Variants in PHLDB2 observed in about 807,000 individuals in gnomAD.
PHLDB2 encodes pleckstrin homology like domain family B member 2.
A neutral mutation model predicts 123.6 loss-of-function variants in PHLDB2; 71 were observed. The observed-to-expected ratio is 0.57, with a 90% CI of 0.47 to 0.70. The LOEUF is 0.70. PHLDB2 is among the 30% of genes least tolerant of loss of function. The probability of loss-of-function intolerance (pLI) is 0.00; values close to 1 mark genes in which losing one functional copy is unlikely to be tolerated. For synonymous variants in PHLDB2, 547 were observed against 541.6 expected (o/e 1.01, Z -0.14); for missense variants, 1,446 against 1,519.5 (o/e 0.95, Z 0.80).
At chr3:111,962,024 G>C in intron 12 of PHLDB2, 84 bp from the exon 13 acceptor site, 1 of 1,284,272 alleles carries the variant, frequency 7.8e-7, no homozygotes, top group Non-Finnish European at 1.1e-6. Context: ...AGATGTTTCT[G>C]GTTGCTGGCT....
At chr3:111,780,271 A>AGAAGAAAGAAGAAGAAGAAGAAGAAG (rs34178824) in intron 1 of PHLDB2, among the ~76,000 whole-genome samples, 3 of 7,772 alleles carry the variant, frequency 3.9e-4, no homozygotes, top group African/African-American at 1.2e-3. Flanking sequence ...AAGAAGAAGA[A>AGAAGAAAGAAGAAGAAGAAGAAGAAG]AAGAAGAAGA....
chr3:111,901,176 G>A (rs1230855831), intron 2 of PHLDB2, among the ~76,000 whole-genome samples: 9 of 151,612 alleles, frequency 5.9e-5, no homozygotes, highest in African/African-American at 2.2e-4. Context: ...TGGCTAACAC[G>A]GTGAAACCCC....
intron 2 of PHLDB2, among the ~76,000 whole-genome samples, chr3:111,899,438 G>A (rs1044236390): frequency 2.0e-5 from 3 of 152,046 alleles, no homozygotes; most frequent in Non-Finnish European, 2.9e-5. Context: ...CTTCCCCCAA[G>A]CAGTAATATT....
intron 6 of PHLDB2, among the ~76,000 whole-genome samples, chr3:111,938,942 G>A (rs945511555): frequency 3.9e-5 from 6 of 151,998 alleles, no homozygotes; most frequent in African/African-American, 1.5e-4. Flanking sequence ...CAAGTAGCTG[G>A]GACTACAGGT....
chr3:111,768,288 A>G (rs1376867455), intron 1 of PHLDB2, among the ~76,000 whole-genome samples: 1 of 152,360 alleles, frequency 6.6e-6, no homozygotes, highest in South Asian at 2.1e-4. Flanking sequence ...TAAGGGATTC[A>G]AACAAAAAAT....
At chr3:111,741,274 T>C (rs2059599796) in intron 1 of PHLDB2, among the ~76,000 whole-genome samples, 1 of 152,204 alleles carries the variant, frequency 6.6e-6, no homozygotes, top group Non-Finnish European at 1.5e-5. Context: ...GGGTCTCCCA[T>C]CTGTGCCCGA....
intron 5 of PHLDB2, among the ~76,000 whole-genome samples, chr3:111,922,960 A>G (rs2068604285): frequency 6.6e-6 from 1 of 152,010 alleles, no homozygotes; most frequent in African/African-American, 2.4e-5. Flanking sequence ...GTCTTTCTGC[A>G]CCCTCACCCC....
intron 1 of PHLDB2, among the ~76,000 whole-genome samples, chr3:111,763,306 A>G (rs183707694): frequency 6.6e-6 from 1 of 152,318 alleles, no homozygotes; most frequent in Admixed American, 6.5e-5. Flanking sequence ...CATAATAGCG[A>G]ACTGCAAACT....
rs147109951 is a variant in PHLDB2 at position 111,884,365 on chromosome 3, T to C, written c.288T>C (p.Tyr96=). ...AKIQGSKQFS[Y]DGTDKNIPMK... is the part of the protein sequence containing the mutation. ...TCCAGGGAAGCAAGCAGTTCTCTTA[T>C]GATGGAACTGACAAAAATATTCCTA... Residue 96 remains tyrosine, a synonymous_variant, in exon 2 of 18, where the codon TAT becomes TAC. Transcript: ENST00000431670. 157 of 1,614,054 alleles carry C rather than the reference T, an allele frequency of 9.7e-5. No individual in the cohort carries two copies. The Middle Eastern group carries it at 9.9e-4, about 10-fold the overall frequency.
At chr3:111,955,144 G>GATATATACATAT (rs2070967229) in intron 12 of PHLDB2, among the ~76,000 whole-genome samples, 1 of 145,300 alleles carries the variant, frequency 6.9e-6, no homozygotes, top group Non-Finnish European at 1.5e-5. Context: ...ATGTATATAT[G>GATATATACATAT]ATATATATAT....
At chr3:111,736,383 A>G (rs545027503) in intron 1 of PHLDB2, among the ~76,000 whole-genome samples, 6 of 152,302 alleles carry the variant, frequency 3.9e-5, no homozygotes, top group East Asian at 1.9e-4. Flanking sequence ...AAAACTGTCC[A>G]GTATGTCAAT....
intron 5 of PHLDB2, among the ~76,000 whole-genome samples, chr3:111,930,533 C>A (rs1448174865): frequency 2.6e-5 from 4 of 152,022 alleles, no homozygotes; most frequent in Non-Finnish European, 5.9e-5. Flanking sequence ...ATAGGGCAAT[C>A]TTTGATGCAC....
chr3:111,851,592 T>C (rs949219329), intron 2 of PHLDB2, among the ~76,000 whole-genome samples: 3 of 152,180 alleles, frequency 2.0e-5, no homozygotes, highest in African/African-American at 4.8e-5. Context: ...GAGTGCGGCT[T>C]TATTAAAGTC....
At chr3:111,783,216 C>T (rs2060548292) in intron 1 of PHLDB2, among the ~76,000 whole-genome samples, 1 of 152,004 alleles carries the variant, frequency 6.6e-6, no homozygotes, top group African/African-American at 2.4e-5. Flanking sequence ...ATTTCTAGAG[C>T]CCTCCAGTGA....
chr3:111,790,612 G>A (rs879499156), intron 1 of PHLDB2, among the ~76,000 whole-genome samples: 3 of 152,130 alleles, frequency 2.0e-5, no homozygotes, highest in East Asian at 1.9e-4. Context: ...AGAACCTTTC[G>A]CAGATGCAAG....
intron 1 of PHLDB2, among the ~76,000 whole-genome samples, chr3:111,759,175 C>T: frequency 6.6e-6 from 1 of 151,470 alleles, no homozygotes; most frequent in Non-Finnish European, 1.5e-5. Flanking sequence ...AACAAAATAC[C>T]ATAAACTAGG....
intron 1 of PHLDB2, among the ~76,000 whole-genome samples, chr3:111,764,088 C>T (rs1235719515): frequency 1.3e-5 from 2 of 152,160 alleles, no homozygotes; most frequent in Non-Finnish European, 2.9e-5. Flanking sequence ...CACCGCTACT[C>T]AAGTTGTGTG....
intron 2 of PHLDB2, among the ~76,000 whole-genome samples, chr3:111,888,773 T>C (rs547415147): frequency 6.6e-6 from 1 of 152,352 alleles, no homozygotes; most frequent in South Asian, 2.1e-4. Flanking sequence ...ACATACTTTA[T>C]GAATAATTGC....
rs765616385 is a variant in PHLDB2, at chr3:111,969,824, C to T, written c.3450C>T (p.Leu1150=). 6.2e-6 allele frequency: 10 copies of T among 1,613,932 alleles called. No homozygotes were observed. The African/African-American group carries it at 6.7e-5, about 11-fold the overall frequency. The change falls in exon 16 of 18, where the codon CTC becomes CTT. Residue 1150 remains leucine (L), a synonymous_variant. Coordinates refer to ENST00000431670, the MANE Select transcript of PHLDB2 (RefSeq NM_001134438.2). ...CAGAGAAGACCTGCCGAGGATTCCTCATCAAAATGGGTGGGAAAATTAAAA... is the reference window on the plus strand; with the variant it reads ...CAGAGAAGACCTGCCGAGGATTCCTTATCAAAATGGGTGGGAAAATTAAAA... ...SITEKTCRGF[L]IKMGGKIKTW...
Sources: allele counts gnomAD v4.1 joint callset (sites outside exome capture counted in the v4.1 genomes callset), GRCh38; gene constraint gnomAD v4.1.1; transcripts MANE v1.5; gene names NCBI Gene and HGNC (gene_info 2026-07-23, HGNC 2026-07-21).